The following TRMT9B variants were observed in gnomAD, a reference collection of about 807,000 sequenced individuals.
TRMT9B encodes the protein probable tRNA methyltransferase 9B.
Under a neutral mutation model 11.5 loss-of-function variants are expected in TRMT9B, and 16 were observed. That is an observed-to-expected ratio of 1.39 (90% confidence interval 0.94 to 2.11). TRMT9B has a LOEUF of 2.11. Ranked by LOEUF, TRMT9B falls within the 30% of genes most tolerant of loss-of-function variation. The probability of loss-of-function intolerance (pLI) is 0.00; values close to 1 mark genes in which losing one functional copy is unlikely to be tolerated. For missense variants in TRMT9B, 941 were observed against 553.8 expected, an observed-to-expected ratio of 1.70 and a Z score of -7.02; for synonymous variants, 274 against 192.4, an observed-to-expected ratio of 1.42 and a Z score of -3.51.
At chr8:12,979,184 C>A (rs1407436711) in intron 1 of TRMT9B, among the ~76,000 whole-genome samples, 1 of 152,164 alleles carries the variant, frequency 6.6e-6, no homozygotes, top group Non-Finnish European at 1.5e-5. Flanking sequence ...AGGGGAGTGA[C>A]CTAGTGCTGC....
chr8:12,973,316 G>A (rs545474539), intron 1 of TRMT9B, among the ~76,000 whole-genome samples: 3 of 152,202 alleles, frequency 2.0e-5, no homozygotes, highest in African/African-American at 4.8e-5. Context: ...GCACAGCATC[G>A]TGGGAGAAGA....
intron 1 of TRMT9B, among the ~76,000 whole-genome samples, chr8:12,987,298 C>T (rs929044900): frequency 1.5e-4 from 23 of 152,308 alleles, no homozygotes; most frequent in African/African-American, 3.6e-4. Context: ...GCTTACAACA[C>T]GGCCTGGCCC....
intron 1 of TRMT9B, among the ~76,000 whole-genome samples, chr8:12,985,418 G>A (rs2128875481): frequency 6.6e-6 from 1 of 152,238 alleles, no homozygotes; most frequent in East Asian, 1.9e-4. Context: ...CTGTTTTACT[G>A]GCTCATTATT....
At chr8:13,016,214 A>C in intron 4 of TRMT9B, among the ~76,000 whole-genome samples, 1 of 130,068 alleles carries the variant, frequency 7.7e-6, no homozygotes, top group Non-Finnish European at 1.6e-5. Context: ...ATATATATAA[A>C]ATATAAATGT....
chr8:13,021,437 C>G lies in TRMT9B; in HGVS notation c.758C>G (p.Ser253Cys), dbSNP rs983162354. 11 of 1,613,984 alleles carry G rather than the reference C, an allele frequency of 6.8e-6. No individual in the cohort carries two copies. Among genetic ancestry groups the G allele is most frequent in the Non-Finnish European group, 9.3e-6 (11 of 1,179,896 alleles). Reference sequence around the variant, plus strand: ...AAATCGTTTCGTTCCTGGTTTTTCTCCAGATCTTTGGATGAATCGACTCTG... The same window carrying G: ...AAATCGTTTCGTTCCTGGTTTTTCTGCAGATCTTTGGATGAATCGACTCTG... ...LGKSFRSWFF[S>C]RSLDESTLRK... The change falls in exon 5 of 5, where the codon TCC becomes TGC. Residue 253 changes from serine (S) to cysteine (C), a missense_variant. Coordinates refer to ENST00000524591, the MANE Select transcript of TRMT9B (RefSeq NM_020844.3).
rs766695677 is a variant in TRMT9B, at chr8:13,021,778, G to C, written c.1099G>C (p.Asp367His). 3 of 1,613,956 alleles carry C rather than the reference G, an allele frequency of 1.9e-6. No individual in the cohort carries two copies. Among genetic ancestry groups the C allele is most frequent in the Non-Finnish European group, 1.7e-6 (2 of 1,179,894 alleles). ...VNCVDAGNIEDDNPSASKILR... is the reference protein window; with the variant it reads ...VNCVDAGNIEHDNPSASKILR... Reference sequence around the variant, plus strand: ...TTGTGTGGATGCAGGCAACATAGAAGATGATAATCCTTCTGCTAGTAAAAT... The same window carrying C: ...TTGTGTGGATGCAGGCAACATAGAACATGATAATCCTTCTGCTAGTAAAAT... Residue 367 changes from aspartate to histidine, a missense_variant, in exon 5 of 5, where the codon GAT (aspartate) becomes CAT (histidine). Coordinates refer to ENST00000524591, the MANE Select transcript of TRMT9B (RefSeq NM_020844.3).
intron 4 of TRMT9B, among the ~76,000 whole-genome samples, chr8:13,017,718 A>G (rs1402692601): frequency 1.3e-5 from 2 of 148,968 alleles, no homozygotes; most frequent in African/African-American, 2.5e-5. Context: ...GGCTCTAGAG[A>G]TTCTCTCACA....
At chr8:12,951,545 G>C (rs963597692) in intron 1 of TRMT9B, 2 of 152,176 alleles carry the variant, frequency 1.3e-5, no homozygotes, top group Admixed American at 6.5e-5. Flanking sequence ...TCACTTCCCG[G>C]GCACGTTCGG....
At position 12,996,760 on chromosome 8, in the gene TRMT9B, T is replaced by C. The variant is rs75540145; in HGVS notation, c.-2+5729T>C. ...TATCATAAATGTACAAATAAATGAA[T>C]GAATTTTTCATAACCTGAGCGCCCT... On this transcript the variant is annotated intron_variant, in intron 2 of 4. Transcript: ENST00000524591. Among the ~76,000 whole-genome samples the C allele has an allele frequency of 7.5e-3, 1,143 of 152,210 alleles. 14 individuals are homozygous for C. Among genetic ancestry groups the C allele is most frequent in the African/African-American group, 0.025 (1,038 of 41,536 alleles).
intron 1 of TRMT9B, among the ~76,000 whole-genome samples, chr8:12,980,637 A>G (rs368090706): frequency 9.2e-5 from 14 of 152,204 alleles, no homozygotes; most frequent in African/African-American, 2.9e-4. Flanking sequence ...CACTAGTGCC[A>G]AAGCCTACCA....
At chr8:12,995,423 T>G (rs1808160634) in intron 2 of TRMT9B, among the ~76,000 whole-genome samples, 1 of 152,328 alleles carries the variant, frequency 6.6e-6, no homozygotes, top group South Asian at 2.1e-4. Flanking sequence ...TCTCTGTTCT[T>G]TATACATATT....
chr8:13,011,427 A>C (rs1183740974), intron 3 of TRMT9B: 3 of 985,334 alleles, frequency 3.0e-6, no homozygotes, highest in Non-Finnish European at 3.6e-6. Context: ...CAGAAGCAGC[A>C]AACTAATCAT....
chr8:12,974,009 AT>A (rs570551082), intron 1 of TRMT9B, among the ~76,000 whole-genome samples: 33 of 151,924 alleles, frequency 2.2e-4, no homozygotes, highest in East Asian at 9.7e-4. Context: ...ATATATTAAA[AT>A]TTTTTTTTTA....
chr8:13,008,512 T>C (rs1810924244), intron 3 of TRMT9B, among the ~76,000 whole-genome samples: 1 of 152,178 alleles, frequency 6.6e-6, no homozygotes, highest in African/African-American at 2.4e-5. Flanking sequence ...GGCTGTAGTA[T>C]TGACGTTGGG....
chr8:12,985,242 C>A, intron 1 of TRMT9B, among the ~76,000 whole-genome samples: 1 of 152,274 alleles, frequency 6.6e-6, no homozygotes, highest in African/African-American at 2.4e-5. Flanking sequence ...CAGAGAGGAT[C>A]GTATTCTCCC....
chr8:12,995,816 A>G (rs1808236748), intron 2 of TRMT9B, among the ~76,000 whole-genome samples: 1 of 152,174 alleles, frequency 6.6e-6, no homozygotes, highest in African/African-American at 2.4e-5. Flanking sequence ...AACATTTTTC[A>G]GAAAGATTTT....
chr8:12,973,529 G>A (rs6993646), intron 1 of TRMT9B, among the ~76,000 whole-genome samples: 16,884 of 152,208 alleles, frequency 0.11, 938 homozygotes, highest in African/African-American at 0.12. Flanking sequence ...TACTTTCACT[G>A]AAGAGAGAAC....
intron 1 of TRMT9B, among the ~76,000 whole-genome samples, chr8:12,985,618 T>G (rs745712722): frequency 2.0e-5 from 3 of 152,188 alleles, no homozygotes; most frequent in Admixed American, 6.5e-5. Context: ...TTTGTTTGTC[T>G]TACAGCTACC....
intron 1 of TRMT9B, 79 bp from the exon 2 acceptor site, chr8:12,990,755 G>C: frequency 3.3e-6 from 3 of 918,204 alleles, no homozygotes; most frequent in Non-Finnish European, 4.5e-6. Flanking sequence ...GCATAGGTCA[G>C]GAAGTCAGCC....
Sources: allele counts gnomAD v4.1 joint callset (sites outside exome capture counted in the v4.1 genomes callset), GRCh38; gene constraint gnomAD v4.1.1; transcripts MANE v1.5; gene names NCBI Gene and HGNC (gene_info 2026-07-23, HGNC 2026-07-21).